The following PRTFDC1 variants were observed in gnomAD, a reference collection of about 807,000 sequenced individuals.
PRTFDC1 encodes the protein phosphoribosyltransferase domain-containing protein 1.
In PRTFDC1, 38 loss-of-function variants were observed where a neutral mutation model predicts 34.6. The ratio of observed to expected loss-of-function variants is 1.10; its 90% CI spans 0.85 to 1.44. The LOEUF (loss-of-function observed/expected upper bound fraction) is 1.44, where lower values mean the gene tolerates loss of function less well. Among genes scored for constraint, PRTFDC1 ranks in the 40% most tolerant of loss-of-function variants. The pLI is 0.00. For missense variants in PRTFDC1, 270 were observed against 283.0 expected (o/e 0.95, Z 0.33); for synonymous variants, 93 against 98.1 (o/e 0.95, Z 0.31).
At chr10:24,925,762 A>T (rs1848862435) in intron 3 of PRTFDC1, among the ~76,000 whole-genome samples, 1 of 152,126 alleles carries the variant, frequency 6.6e-6, no homozygotes, top group Admixed American at 6.5e-5. Flanking sequence ...CTGTTAAGTC[A>T]CTTGCTCCCT....
At chr10:24,913,226 C>A (rs1473602261) in intron 3 of PRTFDC1, among the ~76,000 whole-genome samples, 1 of 152,126 alleles carries the variant, frequency 6.6e-6, no homozygotes, top group Non-Finnish European at 1.5e-5. Context: ...GCTGAGATAA[C>A]CTTGTAATTA....
intron 3 of PRTFDC1, among the ~76,000 whole-genome samples, chr10:24,894,764 C>T (rs985040293): frequency 2.6e-5 from 4 of 152,212 alleles, no homozygotes; most frequent in African/African-American, 4.8e-5. Flanking sequence ...TGGTTAAGAT[C>T]GTGGCTTTGG....
intron 3 of PRTFDC1, among the ~76,000 whole-genome samples, chr10:24,922,692 T>C (rs944696087): frequency 3.9e-5 from 6 of 152,198 alleles, no homozygotes; most frequent in Non-Finnish European, 7.3e-5. Flanking sequence ...GATGGCTGAA[T>C]AGGAACAGCT....
chr10:24,853,096 T>C lies in PRTFDC1; in HGVS notation c.554-1632A>G, dbSNP rs140728142. Among the ~76,000 whole-genome samples, 38 of 149,714 alleles carry C rather than the reference T, an allele frequency of 2.5e-4. No individual in the cohort carries two copies. In the East Asian group the frequency reaches 6.9e-3, roughly 27 times the overall value. Reference sequence around the variant, plus strand: ...AGAGCAGAAGAGGTCAGAAGTTACATTGAGGAGAAAAGAAAGAATCAATCA... The same window carrying C: ...AGAGCAGAAGAGGTCAGAAGTTACACTGAGGAGAAAAGAAAGAATCAATCA... On this transcript the variant is annotated intron_variant, in intron 7 of 8. Coordinates refer to ENST00000320152, the MANE Select transcript of PRTFDC1 (RefSeq NM_020200.7).
At chr10:24,866,386 A>G (rs11812452) in intron 4 of PRTFDC1, among the ~76,000 whole-genome samples, 3,581 of 151,592 alleles carry the variant, frequency 0.024, 154 homozygotes, top group African/African-American at 0.082. Context: ...AAAAAGAAAA[A>G]AAAACTTATT....
chr10:24,888,562 A>T (rs1353922358), intron 3 of PRTFDC1, among the ~76,000 whole-genome samples: 1 of 152,186 alleles, frequency 6.6e-6, no homozygotes, highest in African/African-American at 2.4e-5. Flanking sequence ...CTTTTATTCC[A>T]ATACGTTTTC....
intron 3 of PRTFDC1, among the ~76,000 whole-genome samples, chr10:24,933,607 T>C (rs1441510046): frequency 6.6e-6 from 1 of 151,842 alleles, no homozygotes; most frequent in Non-Finnish European, 1.5e-5. Context: ...ATACTAAGTG[T>C]TATTGAAAAC....
intron 4 of PRTFDC1, among the ~76,000 whole-genome samples, chr10:24,869,431 T>C (rs1319601768): frequency 6.6e-6 from 1 of 152,128 alleles, no homozygotes; most frequent in Non-Finnish European, 1.5e-5. Context: ...TTATTACCTA[T>C]CAAATGGAAA....
intron 1 of PRTFDC1, chr10:24,951,419 T>G (rs1302303419): frequency 4.7e-6 from 2 of 423,868 alleles, no homozygotes; most frequent in Non-Finnish European, 6.3e-6. Context: ...ACAATAAACG[T>G]GTGGAATGAA....
intron 3 of PRTFDC1, among the ~76,000 whole-genome samples, chr10:24,876,027 G>A (rs1847957283): frequency 6.6e-6 from 1 of 151,840 alleles, no homozygotes; most frequent in African/African-American, 2.4e-5. Flanking sequence ...GGACTTATCA[G>A]AGCTTTTTAG....
intron 3 of PRTFDC1, among the ~76,000 whole-genome samples, chr10:24,904,728 A>T (rs531982306): frequency 2.0e-5 from 3 of 152,202 alleles, no homozygotes; most frequent in Admixed American, 1.3e-4. Flanking sequence ...GACCACTCTT[A>T]TTTGTTCCTT....
At chr10:24,908,605 A>AGAATCTCCCCT in intron 3 of PRTFDC1, 1 of 1,612,736 alleles carries the variant, frequency 6.2e-7, no homozygotes, top group Non-Finnish European at 8.5e-7. Flanking sequence ...CTTGCAGGGG[A>AGAATCTCCCCT]GCACAGCTAC....
intron 3 of PRTFDC1, among the ~76,000 whole-genome samples, chr10:24,904,761 C>T (rs1204491478): frequency 6.6e-6 from 1 of 152,174 alleles, no homozygotes; most frequent in Non-Finnish European, 1.5e-5. Context: ...TGATCCTGTC[C>T]ATGTGCCCCT....
chr10:24,886,475 G>C lies in PRTFDC1; in HGVS notation c.340-14412C>G, dbSNP rs75113626. Among the ~76,000 whole-genome samples, 538 of 152,240 alleles carry C rather than the reference G, an allele frequency of 3.5e-3. 6 individuals carry two copies. Among genetic ancestry groups the C allele is most frequent in the Non-Finnish European group, 4.7e-3 (317 of 68,022 alleles). Reference sequence around the variant, plus strand: ...AAGCCTCCACCTGACCAACAGGTTCGGCAGCTTCCGTATTGGCCTGATCAC... The same window carrying C: ...AAGCCTCCACCTGACCAACAGGTTCCGCAGCTTCCGTATTGGCCTGATCAC... On this transcript the variant is annotated intron_variant, in intron 3 of 8. Transcript: ENST00000320152.
At chr10:24,929,893 C>A (rs982671879) in intron 3 of PRTFDC1, among the ~76,000 whole-genome samples, 4 of 152,278 alleles carry the variant, frequency 2.6e-5, no homozygotes, top group Middle Eastern at 6.8e-3. Flanking sequence ...CCACTTCCAC[C>A]CTGATAGAGC....
chr10:24,875,123 G>A (rs1421552671), intron 3 of PRTFDC1, among the ~76,000 whole-genome samples: 1 of 152,018 alleles, frequency 6.6e-6, no homozygotes, highest in African/African-American at 2.4e-5. Flanking sequence ...GTATGTGTTG[G>A]TATTAGCAAC....
At chr10:24,896,808 C>T (rs1379446107) in intron 3 of PRTFDC1, among the ~76,000 whole-genome samples, 1 of 152,206 alleles carries the variant, frequency 6.6e-6, no homozygotes, top group Non-Finnish European at 1.5e-5. Context: ...CCGTGTGTAC[C>T]TTTCGCCTGT....
chr10:24,947,274 G>A (rs546428781), intron 1 of PRTFDC1, among the ~76,000 whole-genome samples: 13 of 152,334 alleles, frequency 8.5e-5, no homozygotes, highest in African/African-American at 3.1e-4. Context: ...GATTCAAGAC[G>A]ATGGAAATAC....
chr10:24,904,711 TTA>T (rs1338749706), intron 3 of PRTFDC1, among the ~76,000 whole-genome samples: 2 of 152,182 alleles, frequency 1.3e-5, no homozygotes, highest in Non-Finnish European at 2.9e-5. Flanking sequence ...AAGCCATGGT[TTA>T]GAGAGACCAC....
Sources: allele counts gnomAD v4.1 joint callset (sites outside exome capture counted in the v4.1 genomes callset), GRCh38; gene constraint gnomAD v4.1.1; transcripts MANE v1.5; gene names NCBI Gene and HGNC (gene_info 2026-07-23, HGNC 2026-07-21).